ADAM9: variants seen among roughly 807,000 people sequenced by gnomAD.
ADAM9 encodes the protein ADAM metallopeptidase domain 9, also known as disintegrin and metalloproteinase domain-containing protein 9.
A neutral mutation model predicts 108.1 loss-of-function variants in ADAM9; 54 were observed. The ratio of observed to expected loss-of-function variants is 0.50; its 90% CI spans 0.40 to 0.63. ADAM9 has a LOEUF of 0.63. Among genes scored for constraint, ADAM9 ranks in the 20% least tolerant of loss-of-function variants. ADAM9 has a pLI of 0.00. For synonymous variants in ADAM9, 316 were observed against 336.0 expected (o/e 0.94, Z 0.65); for missense variants, 830 against 997.7 (o/e 0.83, Z 2.26).
intron 11 of ADAM9, among the ~76,000 whole-genome samples, chr8:39,032,480 C>T (rs1045291551): frequency 2.0e-5 from 3 of 152,244 alleles, no homozygotes; most frequent in African/African-American, 7.2e-5. Context: ...CCGAGCCAGG[C>T]GTGGGATGTA....
intron 3 of ADAM9, among the ~76,000 whole-genome samples, chr8:39,013,760 C>A (rs576090749): frequency 1.1e-4 from 16 of 152,152 alleles, no homozygotes; most frequent in African/African-American, 3.9e-4. Flanking sequence ...CCTCAGCCTT[C>A]CAAAATGTTG....
chr8:39,062,060 C>G (rs1268747071), intron 14 of ADAM9, among the ~76,000 whole-genome samples: 1 of 152,136 alleles, frequency 6.6e-6, no homozygotes, highest in African/African-American at 2.4e-5. Context: ...AGGGTCCCAT[C>G]CTCATGATCC....
At chr8:39,049,985 A>G (rs1235213827) in intron 12 of ADAM9, among the ~76,000 whole-genome samples, 2 of 152,176 alleles carry the variant, frequency 1.3e-5, no homozygotes, top group South Asian at 2.1e-4. Context: ...TTGTTTTTCT[A>G]GAAAAGTCTT....
chr8:39,092,291 T>C (rs549601060), intron 20 of ADAM9, among the ~76,000 whole-genome samples: 1 of 150,514 alleles, frequency 6.6e-6, no homozygotes, highest in East Asian at 1.9e-4. Context: ...ATTTTCACTG[T>C]TGAAAATGAT....
At chr8:39,016,253 T>A in intron 5 of ADAM9, 59 bp downstream of exon 5, 1 of 1,425,472 alleles carries the variant, frequency 7.0e-7, no homozygotes, top group Non-Finnish European at 9.9e-7. Context: ...CCCTCTTTCC[T>A]GTTTCTGTCT....
At chr8:39,096,759 G>A (rs1247816324) in intron 20 of ADAM9, among the ~76,000 whole-genome samples, 1 of 152,040 alleles carries the variant, frequency 6.6e-6, no homozygotes, top group Non-Finnish European at 1.5e-5. Flanking sequence ...GCCTCATCAT[G>A]TTTGTTGTTG....
intron 18 of ADAM9, among the ~76,000 whole-genome samples, chr8:39,089,073 C>A (rs1314688172): frequency 6.6e-6 from 1 of 151,978 alleles, no homozygotes; most frequent in Non-Finnish European, 1.5e-5. Context: ...CATGGTGAAA[C>A]CTGTCTCTAC....
At chr8:39,080,948 G>GTT (rs397808791) in intron 16 of ADAM9, among the ~76,000 whole-genome samples, 1,632 of 108,662 alleles carry the variant, frequency 0.015, 53 homozygotes, top group Non-Finnish European at 0.019. Flanking sequence ...CACTGTGAGA[G>GTT]TTTTTTTTTT....
chr8:39,038,171 A>G (rs1244312471), intron 11 of ADAM9, among the ~76,000 whole-genome samples: 2 of 152,218 alleles, frequency 1.3e-5, no homozygotes, highest in Non-Finnish European at 2.9e-5. Context: ...TAGAACAAGT[A>G]TGGTGATCCT....
intron 1 of ADAM9, among the ~76,000 whole-genome samples, chr8:38,998,376 C>T (rs979896994): frequency 6.7e-6 from 1 of 149,620 alleles, no homozygotes; most frequent in African/African-American, 2.4e-5. Context: ...ATTATACATC[C>T]GGAGTTTTAT....
chr8:39,074,903 C>CTTT (rs1178180888), intron 15 of ADAM9, among the ~76,000 whole-genome samples: 110 of 113,102 alleles, frequency 9.7e-4, no homozygotes, highest in Non-Finnish European at 1.2e-3. Context: ...AGCCCAAAAT[C>CTTT]TTTTTTTTTT....
At chr8:39,094,172 G>C (rs903593905) in intron 20 of ADAM9, among the ~76,000 whole-genome samples, 1 of 152,084 alleles carries the variant, frequency 6.6e-6, no homozygotes, top group Non-Finnish European at 1.5e-5. Flanking sequence ...TGATCACATG[G>C]TTTTTGTTAG....
At chr8:39,027,438 CACTT>C (rs1414230244) in intron 11 of ADAM9, among the ~76,000 whole-genome samples, 2 of 152,322 alleles carry the variant, frequency 1.3e-5, no homozygotes, top group Non-Finnish European at 1.5e-5. Flanking sequence ...CGTATCCACT[CACTT>C]ACTACTCATC....
chr8:39,000,636 CTT>C (rs564178773), intron 1 of ADAM9, among the ~76,000 whole-genome samples: 1 of 151,476 alleles, frequency 6.6e-6, no homozygotes, highest in Non-Finnish European at 1.5e-5. Context: ...TAATTAAAAA[CTT>C]TTTTTGTGTG....
chr8:39,060,269 A>G (rs955294351), intron 14 of ADAM9, among the ~76,000 whole-genome samples: 1 of 152,234 alleles, frequency 6.6e-6, no homozygotes, highest in Non-Finnish European at 1.5e-5. Flanking sequence ...CGGAGGCGCT[A>G]AACAGCATTT....
At chr8:39,009,152 C>CATCT (rs1158236577) in intron 2 of ADAM9, among the ~76,000 whole-genome samples, 1 of 152,190 alleles carries the variant, frequency 6.6e-6, no homozygotes, top group Middle Eastern at 3.2e-3. Context: ...ACTCCATTTA[C>CATCT]ATCTCTCCAA....
In ADAM9 at chr8:39,017,309, T is replaced by A; in HGVS notation, c.501T>A (p.Asp167Glu). ...AGCACATCATTTATCGAATGGATGATGTCTACAAAGAGCCTCTGAAATGTG... is the reference window on the plus strand; with the variant it reads ...AGCACATCATTTATCGAATGGATGAAGTCTACAAAGAGCCTCTGAAATGTG... ...HFEHIIYRMD[D>E]VYKEPLKCGV... is the part of the protein sequence containing the mutation. Residue 167 changes from aspartate (D) to glutamate (E), a missense_variant, in exon 6 of 22, where the codon GAT becomes GAA. Physicochemically the swap from Asp to Glu is conservative, Grantham distance 45. Transcript: ENST00000487273. The A allele has an allele frequency of 6.2e-7, 1 of 1,614,154 alleles. No homozygotes were observed.
Position 39,103,978 on chromosome 8 carries a change from T to A in ADAM9, c.*278T>A. On this transcript the variant is annotated 3_prime_UTR_variant, in exon 22 of 22. Coordinates refer to ENST00000487273, the MANE Select transcript of ADAM9 (RefSeq NM_003816.3). ...GTGAGGTTAATGCACTAATCATGGA[T>A]TTTTTGAACATGTTATTGCAGTGAT... 1 of 593,712 alleles carries A rather than the reference T, an allele frequency of 1.7e-6. No homozygotes were observed. 36.8% of individuals were successfully genotyped at this position (593,712 alleles called of 1,614,324 possible).
At chr8:38,998,162 G>T (rs938046989) in intron 1 of ADAM9, among the ~76,000 whole-genome samples, 1 of 152,224 alleles carries the variant, frequency 6.6e-6, no homozygotes, top group Non-Finnish European at 1.5e-5. Flanking sequence ...TTCAACGCAG[G>T]ACTGTTGACC....
Sources: gnomAD v4.1 joint callset for allele counts (sites outside exome capture counted in the v4.1 genomes callset) on GRCh38, gnomAD v4.1.1 for gene constraint, MANE v1.5 for transcripts, NCBI Gene and HGNC (gene_info 2026-07-23, HGNC 2026-07-21) for gene names.